REDIC1: variants seen among roughly 807,000 people sequenced by gnomAD.
REDIC1 encodes regulator of DNA class I crossover intermediates 1, also known as HEI10 Interacting Protein 1.
At chr12:39,633,556 C>G in the REDIC1 span, among the ~76,000 whole-genome samples, 1 of 152,150 alleles carries the variant, frequency 6.6e-6, no homozygotes, top group African/African-American at 2.4e-5. Context: ...GTAACACAGT[C>G]TTTTATCATC....
chr12:39,677,742 C>CT, the REDIC1 span, among the ~76,000 whole-genome samples: 17 of 152,118 alleles, frequency 1.1e-4, no homozygotes, highest in Admixed American at 5.9e-4. Context: ...ATCAAGTACT[C>CT]TCTCAGAACA....
At chr12:39,750,924 A>C in the REDIC1 span, among the ~76,000 whole-genome samples, 1 of 152,210 alleles carries the variant, frequency 6.6e-6, no homozygotes, top group Non-Finnish European at 1.5e-5. Flanking sequence ...AGATGGATTA[A>C]AGACTTACAT....
At chr12:39,699,918 C>T in the REDIC1 span, among the ~76,000 whole-genome samples, 2 of 151,960 alleles carry the variant, frequency 1.3e-5, no homozygotes, top group Non-Finnish European at 2.9e-5. Context: ...GAAAGGACAT[C>T]CACACCAAAA....
chr12:39,692,241 C>A, the REDIC1 span: 1 of 858,954 alleles, frequency 1.2e-6, no homozygotes, highest in Non-Finnish European at 1.7e-6. Flanking sequence ...TTTAGTACTA[C>A]TAATGCAATT....
chr12:39,670,893 T>A, the REDIC1 span, among the ~76,000 whole-genome samples: 1 of 152,232 alleles, frequency 6.6e-6, no homozygotes, highest in African/African-American at 2.4e-5. Context: ...GACTTCTTTT[T>A]TGTGATATCT....
chr12:39,712,984 TGTGTATATACGTGTATATGTATATATA>T, the REDIC1 span, among the ~76,000 whole-genome samples: 2 of 20,546 alleles, frequency 9.7e-5, no homozygotes, highest in East Asian at 1.5e-3. Flanking sequence ...TATATATACA[TGTGTATATACGTGTATATGTATATATA>T]CATGTGTATA....
At chr12:39,874,574 C>A in the REDIC1 span, among the ~76,000 whole-genome samples, 1 of 147,524 alleles carries the variant, frequency 6.8e-6, no homozygotes, top group South Asian at 2.2e-4. Flanking sequence ...AAGATCACAC[C>A]ATTGCACTCC....
At chr12:39,833,892 T>TAAAAAAA in the REDIC1 span, among the ~76,000 whole-genome samples, 1 of 88,402 alleles carries the variant, frequency 1.1e-5, no homozygotes. Flanking sequence ...AGCATGGTCA[T>TAAAAAAA]AAAAAAAAAA....
the REDIC1 span, among the ~76,000 whole-genome samples, chr12:39,690,769 G>C: frequency 1.3e-5 from 2 of 152,262 alleles, no homozygotes; most frequent in East Asian, 3.9e-4. Context: ...ATTCGGAAAA[G>C]AGAAAAATAG....
the REDIC1 span, among the ~76,000 whole-genome samples, chr12:39,706,570 A>G: frequency 6.6e-6 from 1 of 152,058 alleles, no homozygotes; most frequent in East Asian, 1.9e-4. Flanking sequence ...ACAGAACTAT[A>G]GTAACCAAAA....
chr12:39,892,251 T>C, the REDIC1 span, among the ~76,000 whole-genome samples: 4 of 152,234 alleles, frequency 2.6e-5, no homozygotes, highest in Non-Finnish European at 5.9e-5. Flanking sequence ...TTAATCTGCC[T>C]GTCTTGCAGC....
chr12:39,871,190 T>C, the REDIC1 span, among the ~76,000 whole-genome samples: 1 of 152,072 alleles, frequency 6.6e-6, no homozygotes, highest in Non-Finnish European at 1.5e-5. Context: ...ATAAATAAAA[T>C]GGGCAGAATT....
chr12:39,719,576 T>A, the REDIC1 span, among the ~76,000 whole-genome samples: 1 of 151,952 alleles, frequency 6.6e-6, no homozygotes, highest in African/African-American at 2.4e-5. Flanking sequence ...ATTGTGCCAC[T>A]GCACTCCAAC....
At chr12:39,717,213 G>A in the REDIC1 span, among the ~76,000 whole-genome samples, 1 of 151,080 alleles carries the variant, frequency 6.6e-6, no homozygotes, top group Non-Finnish European at 1.5e-5. Flanking sequence ...CAATGCAGGG[G>A]TTAGGGATGC....
At chr12:39,720,396 G>T in the REDIC1 span, among the ~76,000 whole-genome samples, 1 of 151,876 alleles carries the variant, frequency 6.6e-6, no homozygotes. Context: ...TCCTTCGAAG[G>T]TACTTCTTCT....
the REDIC1 span, among the ~76,000 whole-genome samples, chr12:39,895,774 ATGCGTG>A: frequency 6.7e-3 from 623 of 92,438 alleles, 176 homozygotes; most frequent in African/African-American, 0.025. Context: ...ACACATGTAT[ATGCGTG>A]TATACGTACA....
At chr12:39,644,752 G>T in the REDIC1 span, among the ~76,000 whole-genome samples, 1 of 151,700 alleles carries the variant, frequency 6.6e-6, no homozygotes, top group Non-Finnish European at 1.5e-5. Flanking sequence ...ATTCCCAGTC[G>T]TAGGGGAATA....
the REDIC1 span, among the ~76,000 whole-genome samples, chr12:39,644,292 G>A: frequency 6.6e-6 from 1 of 151,684 alleles, no homozygotes; most frequent in Non-Finnish European, 1.5e-5. Context: ...TGTCTGAAAG[G>A]AAGATCTGCA....
the REDIC1 span, among the ~76,000 whole-genome samples, chr12:39,667,623 T>C: frequency 6.6e-6 from 1 of 152,162 alleles, no homozygotes; most frequent in African/African-American, 2.4e-5. Context: ...GGATATCTTG[T>C]TAACTTTCTG....
Sources: gnomAD v4.1 joint callset for allele counts (sites outside exome capture counted in the v4.1 genomes callset) on GRCh38, gnomAD v4.1.1 for gene constraint, MANE v1.5 for transcripts, NCBI Gene and HGNC (gene_info 2026-07-23, HGNC 2026-07-21) for gene names.